BLTP3A: variants seen among roughly 807,000 people sequenced by gnomAD.
The protein encoded by BLTP3A is ICBP90 binding protein 1.
the BLTP3A span, among the ~76,000 whole-genome samples, chr6:34,810,678 A>G: frequency 6.6e-6 from 1 of 152,180 alleles, no homozygotes; most frequent in Non-Finnish European, 1.5e-5. Context: ...TATGTTGCCC[A>G]GGCTGGTCTC....
At chr6:34,843,598 A>G in the BLTP3A span, among the ~76,000 whole-genome samples, 1 of 152,208 alleles carries the variant, frequency 6.6e-6, no homozygotes, top group Non-Finnish European at 1.5e-5. Flanking sequence ...TTGTGTTACA[A>G]ACATTCTAAT....
At chr6:34,833,662 C>T in the BLTP3A span, among the ~76,000 whole-genome samples, 1 of 152,012 alleles carries the variant, frequency 6.6e-6, no homozygotes, top group Non-Finnish European at 1.5e-5. Flanking sequence ...GGTGCGGTGG[C>T]TCACGCCTGT....
the BLTP3A span, among the ~76,000 whole-genome samples, chr6:34,813,647 A>G: frequency 2.0e-5 from 3 of 152,230 alleles, no homozygotes; most frequent in Non-Finnish European, 4.4e-5. Flanking sequence ...TCTGAATGAT[A>G]TTATCCTCAA....
chr6:34,859,094 A>T, the BLTP3A span: 3 of 1,614,102 alleles, frequency 1.9e-6, no homozygotes, highest in South Asian at 3.3e-5. Context: ...CCTTCAGAGG[A>T]TCGGGAACTG....
chr6:34,813,908 C>G, the BLTP3A span, among the ~76,000 whole-genome samples: 1 of 152,206 alleles, frequency 6.6e-6, no homozygotes, highest in Non-Finnish European at 1.5e-5. Flanking sequence ...ACTTGGGCCT[C>G]TTATATAATT....
chr6:34,828,920 G>A, the BLTP3A span, among the ~76,000 whole-genome samples: 4 of 150,354 alleles, frequency 2.7e-5, no homozygotes, highest in African/African-American at 9.8e-5. Context: ...CCAGCTCCTT[G>A]GGAGGCTGAG....
chr6:34,802,885 C>T, the BLTP3A span, among the ~76,000 whole-genome samples: 2 of 152,016 alleles, frequency 1.3e-5, no homozygotes, highest in African/African-American at 4.8e-5. Flanking sequence ...TAAAAAAAAT[C>T]ACTTGAGAGG....
chr6:34,810,752 A>G, the BLTP3A span, among the ~76,000 whole-genome samples: 2 of 152,168 alleles, frequency 1.3e-5, no homozygotes, highest in Non-Finnish European at 2.9e-5. Context: ...TACAGGTGTG[A>G]GCCATTGTGC....
chr6:34,824,558 C>CA, the BLTP3A span, among the ~76,000 whole-genome samples: 44,584 of 106,748 alleles, frequency 0.42, 9,255 homozygotes, highest in African/African-American at 0.63. Context: ...AACTCCATCT[C>CA]AAAAAAAAAA....
the BLTP3A span, chr6:34,871,553 GGGCATCATGT>G: frequency 6.2e-7 from 1 of 1,601,268 alleles, no homozygotes; most frequent in South Asian, 1.1e-5. Flanking sequence ...AGCTGGTGGG[GGGCATCATGT>G]GGTTTCTCTC....
chr6:34,809,852 G>T, the BLTP3A span, among the ~76,000 whole-genome samples: 1 of 151,892 alleles, frequency 6.6e-6, no homozygotes, highest in African/African-American at 2.4e-5. Context: ...CACTGTGCCT[G>T]GCCTAAAAAC....
chr6:34,856,156 C>T, the BLTP3A span: 1 of 1,490,578 alleles, frequency 6.7e-7, no homozygotes, highest in South Asian at 1.3e-5. Context: ...AGATTCTGAA[C>T]TATGACTATA....
the BLTP3A span, among the ~76,000 whole-genome samples, chr6:34,833,139 G>A: frequency 6.6e-6 from 1 of 152,178 alleles, no homozygotes; most frequent in East Asian, 1.9e-4. Context: ...ATGCATATGC[G>A]GATTTTTTTC....
the BLTP3A span, chr6:34,856,389 C>T: frequency 1.2e-6 from 2 of 1,613,932 alleles, no homozygotes; most frequent in African/African-American, 2.7e-5. Context: ...GGAGTAGACT[C>T]TCTCTTTCGG....
At chr6:34,873,151 C>G in the BLTP3A span, 1 of 152,162 alleles carries the variant, frequency 6.6e-6, no homozygotes, top group African/African-American at 2.4e-5. Context: ...GTCATTTAAT[C>G]TTTCCCCTCT....
At chr6:34,856,286 C>G in the BLTP3A span, 136 of 1,613,932 alleles carry the variant, frequency 8.4e-5, no homozygotes, top group Non-Finnish European at 1.1e-4. Context: ...CATGGAGACC[C>G]GAGGCCAGTG....
chr6:34,808,346 CAAAAAAAA>C, the BLTP3A span, among the ~76,000 whole-genome samples: 12 of 26,734 alleles, frequency 4.5e-4, no homozygotes, highest in East Asian at 1.9e-3. Flanking sequence ...AACTCCGTCT[CAAAAAAAA>C]AAAAAAAAAA....
chr6:34,843,438 A>G, the BLTP3A span, among the ~76,000 whole-genome samples: 1 of 152,186 alleles, frequency 6.6e-6, no homozygotes, highest in Non-Finnish European at 1.5e-5. Context: ...GTAATAGTTT[A>G]AAAGTTATTT....
At chr6:34,858,277 G>T in the BLTP3A span, 2 of 1,614,172 alleles carry the variant, frequency 1.2e-6, no homozygotes, top group Non-Finnish European at 1.7e-6. Flanking sequence ...TTTTGCTGCT[G>T]CTGAGTTCTT....
Sources: gnomAD v4.1 joint callset for allele counts (sites outside exome capture counted in the v4.1 genomes callset) on GRCh38, gnomAD v4.1.1 for gene constraint, MANE v1.5 for transcripts, NCBI Gene and HGNC (gene_info 2026-07-23, HGNC 2026-07-21) for gene names.